The following KIF6 variants were observed in gnomAD, a reference collection of about 807,000 sequenced individuals.
KIF6 encodes kinesin-like protein KIF6.
In KIF6, 106 loss-of-function variants were observed where a neutral mutation model predicts 112.7. That is an observed-to-expected ratio of 0.94 (90% confidence interval 0.80 to 1.11). The LOEUF (loss-of-function observed/expected upper bound fraction) is 1.11. Among genes scored for constraint, KIF6 ranks in the 50% least tolerant of loss-of-function variants. KIF6 has a pLI of 0.00. For synonymous variants in KIF6, 339 were observed against 339.9 expected (o/e 1.00, Z 0.03); for missense variants, 929 against 964.0 (o/e 0.96, Z 0.48).
At chr6:39,436,499 A>C (rs1367159335) in intron 13 of KIF6, among the ~76,000 whole-genome samples, 2 of 151,860 alleles carry the variant, frequency 1.3e-5, no homozygotes, top group Non-Finnish European at 2.9e-5. Flanking sequence ...TATGGCTTCA[A>C]GTCTTAGATT....
At chr6:39,500,943 G>A (rs1308251748) in intron 13 of KIF6, among the ~76,000 whole-genome samples, 3 of 152,088 alleles carry the variant, frequency 2.0e-5, no homozygotes, top group African/African-American at 7.2e-5. Flanking sequence ...AAGAAATGTA[G>A]CAAGATGGCC....
In KIF6 at chr6:39,720,702, T is replaced by A. The variant is rs534740011; in HGVS notation, c.176A>T (p.Lys59Ile). The A allele has an allele frequency of 3.9e-6, 6 of 1,520,422 alleles. No individual in the cohort carries two copies. In the African/African-American group the frequency reaches 8.2e-5, roughly 21 times the overall value. The allele number at this position is 1,520,422 out of a possible 1,614,324, so 94.2% of individuals were successfully genotyped here. The change falls in exon 2 of 23, where the codon AAA becomes ATA. Residue 59 changes from lysine (K) to isoleucine (I), a missense_variant and splice_region_variant. By Grantham distance (102) the Lys-to-Ile change is moderately radical (BLOSUM62 -3). This residue lies in a region of KIF6 where 688 missense variants were observed against 662.7 expected (regional missense o/e 1.04). Transcript: ENST00000287152. ...VNNKRESYKF[K>I]FQRIFDQDAN... ...GAAAAAAGGAGAAAGAAAAACTTAC[T>A]TAAATTTGTAGCTTTCTCGCTTATT... is the stretch of plus-strand genomic sequence containing the variant.
At chr6:39,485,388 T>A (rs981067010) in intron 13 of KIF6, among the ~76,000 whole-genome samples, 10 of 152,140 alleles carry the variant, frequency 6.6e-5, no homozygotes, top group Non-Finnish European at 1.0e-4. Flanking sequence ...TATCCCCTTA[T>A]TATGCTTGGC....
At chr6:39,627,933 C>G (rs1784170263) in intron 5 of KIF6, among the ~76,000 whole-genome samples, 1 of 152,044 alleles carries the variant, frequency 6.6e-6, no homozygotes, top group African/African-American at 2.4e-5. Context: ...AATAGAATTT[C>G]TATTTTCATT....
chr6:39,410,736 A>G (rs1769418178), intron 15 of KIF6, among the ~76,000 whole-genome samples: 1 of 152,254 alleles, frequency 6.6e-6, no homozygotes, highest in Admixed American at 6.5e-5. Context: ...AGAACCTGGA[A>G]ATTAAGGAAT....
At chr6:39,374,054 A>G (rs921590197) in intron 16 of KIF6, among the ~76,000 whole-genome samples, 1 of 152,210 alleles carries the variant, frequency 6.6e-6, no homozygotes, top group African/African-American at 2.4e-5. Context: ...ACAGGAGAGA[A>G]AGCCCAGAAA....
At chr6:39,345,147 A>G (rs116559387) in intron 21 of KIF6, among the ~76,000 whole-genome samples, 79 of 152,316 alleles carry the variant, frequency 5.2e-4, no homozygotes, top group African/African-American at 1.8e-3. Context: ...GGCAGTAAGG[A>G]CGGTATGTAA....
rs538011485 is a variant in KIF6, at chr6:39,543,163, GA to G, written c.1426+1391del. Among the ~76,000 whole-genome samples, 60 of 152,292 alleles carry G rather than the reference GA, an allele frequency of 3.9e-4. No individual in the cohort carries two copies. The South Asian group carries it at 0.011, about 28-fold the overall frequency. On this transcript the variant is annotated intron_variant, in intron 12 of 22. Coordinates refer to ENST00000287152, the MANE Select transcript of KIF6 (RefSeq NM_145027.6). ...ATATGCACAGACATTCATAAGCCCAGAAGGGGATTAAGAAGTTGGTAGGAGT... is the reference window on the plus strand; with the variant it reads ...ATATGCACAGACATTCATAAGCCCAGAGGGGATTAAGAAGTTGGTAGGAGT...
intron 5 of KIF6, 48 bp from the exon 6 acceptor site, chr6:39,613,366 G>T (rs1456231615): frequency 2.0e-6 from 3 of 1,485,334 alleles, no homozygotes; most frequent in Non-Finnish European, 2.7e-6. Flanking sequence ...AGAATGAAAA[G>T]AACTTGAAGT....
intron 13 of KIF6, among the ~76,000 whole-genome samples, chr6:39,483,497 G>A (rs1338999244): frequency 6.6e-6 from 1 of 152,076 alleles, no homozygotes; most frequent in African/African-American, 2.4e-5. Flanking sequence ...CTCACACTGG[G>A]GTGTACCTTT....
chr6:39,573,743 T>C (rs1476756019), intron 10 of KIF6, among the ~76,000 whole-genome samples: 1 of 152,220 alleles, frequency 6.6e-6, no homozygotes, highest in African/African-American at 2.4e-5. Flanking sequence ...CCAAAAGTAA[T>C]TATTGATATC....
At chr6:39,553,499 G>A (rs1211933073) in intron 10 of KIF6, among the ~76,000 whole-genome samples, 3 of 152,166 alleles carry the variant, frequency 2.0e-5, no homozygotes, top group Admixed American at 1.3e-4. Context: ...ATTTATAGGT[G>A]CATGTATGCA....
At chr6:39,453,306 A>G (rs1168316186) in intron 13 of KIF6, among the ~76,000 whole-genome samples, 1 of 152,212 alleles carries the variant, frequency 6.6e-6, no homozygotes, top group Non-Finnish European at 1.5e-5. Flanking sequence ...CCAGGACCAC[A>G]GTAAAGGGAA....
intron 13 of KIF6, among the ~76,000 whole-genome samples, chr6:39,526,576 C>G (rs1777741678): frequency 6.6e-6 from 1 of 152,202 alleles, no homozygotes; most frequent in Non-Finnish European, 1.5e-5. Flanking sequence ...TACTTACTCA[C>G]TCTCATGTGT....
At chr6:39,515,618 G>T (rs1357107975) in intron 13 of KIF6, among the ~76,000 whole-genome samples, 7 of 152,202 alleles carry the variant, frequency 4.6e-5, no homozygotes, top group Non-Finnish European at 1.0e-4. Context: ...TATATAGTAT[G>T]TCTGGTGTGA....
intron 5 of KIF6, among the ~76,000 whole-genome samples, chr6:39,617,943 C>T (rs1162697498): frequency 6.6e-6 from 1 of 152,150 alleles, no homozygotes; most frequent in Non-Finnish European, 1.5e-5. Context: ...TTTTGTTTCT[C>T]CCCAACACAT....
intron 13 of KIF6, among the ~76,000 whole-genome samples, chr6:39,473,165 C>T (rs771506123): frequency 2.6e-4 from 40 of 151,992 alleles, no homozygotes; most frequent in Non-Finnish European, 4.6e-4. Flanking sequence ...GGATTACAGG[C>T]GTGAGCCACA....
intron 10 of KIF6, among the ~76,000 whole-genome samples, chr6:39,551,074 C>CT (rs1468403814): frequency 6.6e-6 from 1 of 152,186 alleles, no homozygotes; most frequent in African/African-American, 2.4e-5. Flanking sequence ...ATATCTCTTC[C>CT]ATATACTGAT....
At chr6:39,419,262 G>A (rs1415149802) in intron 15 of KIF6, among the ~76,000 whole-genome samples, 2 of 148,554 alleles carry the variant, frequency 1.3e-5, no homozygotes, top group African/African-American at 4.9e-5. Flanking sequence ...GCTGAGGCAG[G>A]AGAATCACTT....
Sources: gnomAD v4.1 joint callset for allele counts (sites outside exome capture counted in the v4.1 genomes callset) on GRCh38, gnomAD v4.1.1 for gene constraint, gnomAD v4.1.1 regional missense constraint, MANE v1.5 for transcripts, NCBI Gene and HGNC (gene_info 2026-07-23, HGNC 2026-07-21) for gene names.